Variants in GBF1 observed in about 807,000 individuals in gnomAD.
GBF1 encodes Golgi-specific brefeldin A-resistance guanine nucleotide exchange factor 1.
In GBF1, 114 loss-of-function variants were observed where a neutral mutation model predicts 210.5. The observed-to-expected ratio is 0.54, with a 90% CI of 0.47 to 0.63. The LOEUF (loss-of-function observed/expected upper bound fraction) is 0.63. Ranked by LOEUF, GBF1 falls within the 30% of genes least tolerant of loss-of-function variation. The pLI, the probability that GBF1 is intolerant of heterozygous loss-of-function variation, is 0.00. For synonymous variants in GBF1, 850 were observed against 889.2 expected, an observed-to-expected ratio of 0.96 and a Z score of 0.78; for missense variants, 1,851 against 2,357.7, an observed-to-expected ratio of 0.79 and a Z score of 4.45.
rs1407610869 is a variant in GBF1, at chr10:102,277,002, G to A, written c.163+16886G>A. Among the ~76,000 whole-genome samples the A allele has an allele frequency of 3.3e-5, 5 of 150,476 alleles. No homozygotes were observed. The East Asian group carries it at 7.7e-4, about 23-fold the overall frequency. On this transcript the variant is annotated intron_variant, in intron 3 of 39. Coordinates refer to ENST00000369983, the MANE Select transcript of GBF1 (RefSeq NM_001377137.1). The stretch of plus-strand genomic sequence containing the variant: ...CACACACACACACACATGCACACAC[G>A]TATGTATGTATGTATGTATATATAG...
chr10:102,349,019 C>T (rs2058757980), intron 4 of GBF1, among the ~76,000 whole-genome samples: 1 of 152,016 alleles, frequency 6.6e-6, no homozygotes, highest in Non-Finnish European at 1.5e-5. Flanking sequence ...CATGTTAGCA[C>T]ACATCTGTAG....
At chr10:102,249,933 G>A (rs911671296) in intron 1 of GBF1, among the ~76,000 whole-genome samples, 2 of 152,078 alleles carry the variant, frequency 1.3e-5, no homozygotes, top group African/African-American at 2.4e-5. Flanking sequence ...TTCGTGATCC[G>A]CCCACCTCGG....
chr10:102,368,289 T>G lies in GBF1; in HGVS notation c.2714T>G (p.Leu905Arg), dbSNP rs763717750. 2 of 1,614,020 alleles carry G rather than the reference T, an allele frequency of 1.2e-6. No homozygotes were observed. Among genetic ancestry groups the G allele is most frequent in the Non-Finnish European group, 1.7e-6 (2 of 1,179,966 alleles). ...GAGAACTATGTGTGGAATGTGCTGC[T>G]TCATCGAGGTGCCACCCCTGAGGGC... ...VRENYVWNVLLHRGATPEGIF... is the reference protein window; with the variant it reads ...VRENYVWNVLRHRGATPEGIF... The change falls in exon 22 of 40, where the codon CTT becomes CGT. Residue 905 changes from leucine to arginine, a missense_variant. By Grantham distance (102) the Leu-to-Arg change is moderately radical (BLOSUM62 -2). Coordinates refer to ENST00000369983, the MANE Select transcript of GBF1 (RefSeq NM_001377137.1).
At chr10:102,291,171 CTTTGTTTGTTTGTTTG>C (rs79994004) in intron 3 of GBF1, among the ~76,000 whole-genome samples, 1 of 151,604 alleles carries the variant, frequency 6.6e-6, no homozygotes, top group Non-Finnish European at 1.5e-5. Flanking sequence ...CTATTCACTG[CTTTGTTTGTTTGTTTG>C]TTTGTTTGTT....
chr10:102,235,166 T>TCCC, the GBF1 span, among the ~76,000 whole-genome samples: 1,129 of 58,760 alleles, frequency 0.019, 8 homozygotes, highest in Middle Eastern at 0.036. Context: ...TTATTACCCT[T>TCCC]CCCCCACCCC....
At chr10:102,328,710 A>G (rs2057097531) in intron 3 of GBF1, among the ~76,000 whole-genome samples, 1 of 152,170 alleles carries the variant, frequency 6.6e-6, no homozygotes, top group African/African-American at 2.4e-5. Context: ...CTTCTCCAGG[A>G]GCTTTGACTA....
At chr10:102,286,200 T>TTTG (rs1313845979) in intron 3 of GBF1, among the ~76,000 whole-genome samples, 274 of 134,856 alleles carry the variant, frequency 2.0e-3, no homozygotes, top group African/African-American at 7.7e-3. Flanking sequence ...AAGGGTTTTT[T>TTTG]TTTTTTTTTT....
chr10:102,336,750 A>T (rs974709576), intron 3 of GBF1, among the ~76,000 whole-genome samples: 1 of 152,170 alleles, frequency 6.6e-6, no homozygotes, highest in African/African-American at 2.4e-5. Flanking sequence ...CAAATTACTT[A>T]ACTTCCCTAA....
chr10:102,232,459 G>T, the GBF1 span, among the ~76,000 whole-genome samples: 2 of 152,188 alleles, frequency 1.3e-5, no homozygotes, highest in Non-Finnish European at 2.9e-5. Flanking sequence ...AAGGCGGGTG[G>T]ATCACCTGAG....
Position 102,376,324 on chromosome 10 carries a change from G to A in GBF1, c.3939G>A (p.Leu1313=), listed in dbSNP as rs753521376. The change falls in exon 31 of 40, where the codon CTG becomes CTA. Residue 1313 remains leucine (L), a synonymous_variant. Transcript: ENST00000369983. ...CCTACCATCAGAATGACGTGAGCCT[G>A]GATCGAGGGTACACTTCCGACTCAG... The part of the protein sequence containing the change: ...LPSYHQNDVS[L]DRGYTSDSEV... The A allele has an allele frequency of 6.2e-7, 1 of 1,613,990 alleles. No individual in the cohort carries two copies. Among genetic ancestry groups the A allele is most frequent in the Non-Finnish European group, 8.5e-7 (1 of 1,179,892 alleles).
At chr10:102,317,961 T>G (rs1460791772) in intron 3 of GBF1, among the ~76,000 whole-genome samples, 1 of 152,128 alleles carries the variant, frequency 6.6e-6, no homozygotes, top group Admixed American at 6.6e-5. Context: ...CAGGCTGGAG[T>G]GCAGTGGTGT....
intron 29 of GBF1, among the ~76,000 whole-genome samples, chr10:102,373,820 C>T (rs2060343935): frequency 6.6e-6 from 1 of 152,150 alleles, no homozygotes; most frequent in Non-Finnish European, 1.5e-5. Context: ...TCATAAAAAC[C>T]TGTACATGAA....
At chr10:102,306,665 C>A (rs549270934) in intron 3 of GBF1, among the ~76,000 whole-genome samples, 11 of 152,366 alleles carry the variant, frequency 7.2e-5, no homozygotes, top group African/African-American at 2.4e-4. Flanking sequence ...TGCAGGTGAT[C>A]TGCCCACCTG....
chr10:102,361,644 T>C (rs1341392197), intron 13 of GBF1, 74 bp from the exon 14 acceptor site: 2 of 1,024,432 alleles, frequency 2.0e-6, no homozygotes, highest in East Asian at 2.4e-5. Flanking sequence ...TTTAATGTTT[T>C]TCCTGTCTAA....
intron 34 of GBF1, 29 bp from the exon 35 acceptor site, chr10:102,379,492 A>C: frequency 1.2e-6 from 2 of 1,614,022 alleles, no homozygotes; most frequent in South Asian, 2.2e-5. Flanking sequence ...AAGATGCCTG[A>C]AGGATCCTGA....
chr10:102,314,270 C>T (rs1031996047), intron 3 of GBF1, among the ~76,000 whole-genome samples: 1 of 151,580 alleles, frequency 6.6e-6, no homozygotes, highest in African/African-American at 2.4e-5. Context: ...CTCAGCCTCC[C>T]AACTAGCGGG....
intron 3 of GBF1, among the ~76,000 whole-genome samples, chr10:102,338,513 G>A (rs1188591457): frequency 6.6e-6 from 1 of 151,758 alleles, no homozygotes; most frequent in Non-Finnish European, 1.5e-5. Context: ...CAAAGTGCTG[G>A]GATTAGAGGT....
chr10:102,376,512 C>G, intron 31 of GBF1, 48 bp from the exon 32 acceptor site: 2 of 1,611,830 alleles, frequency 1.2e-6, no homozygotes, highest in Non-Finnish European at 1.7e-6. Context: ...CAAGGACATT[C>G]ACACAGGGGC....
At chr10:102,238,704 G>A in the GBF1 span, among the ~76,000 whole-genome samples, 30 of 152,266 alleles carry the variant, frequency 2.0e-4, no homozygotes, top group African/African-American at 7.2e-4. Flanking sequence ...TCGCACAACT[G>A]CCCTGCATGG....
Sources: allele counts gnomAD v4.1 joint callset (sites outside exome capture counted in the v4.1 genomes callset), GRCh38; gene constraint gnomAD v4.1.1; transcripts MANE v1.5; gene names NCBI Gene and HGNC (gene_info 2026-07-23, HGNC 2026-07-21).